Variants in GRID2 observed in about 807,000 individuals in gnomAD.
GRID2 encodes glutamate ionotropic receptor delta type subunit 2.
A neutral mutation model predicts 114.8 loss-of-function variants in GRID2; 33 were observed. That is an observed-to-expected ratio of 0.29 (90% confidence interval 0.22 to 0.38). The LOEUF (loss-of-function observed/expected upper bound fraction) is 0.38. GRID2 is among the 10% of genes least tolerant of loss of function. The pLI, the probability that GRID2 is intolerant of heterozygous loss-of-function variation, is 1.00. For missense variants in GRID2, 1,184 were observed against 1,257.7 expected, an observed-to-expected ratio of 0.94 and a Z score of 0.89; for synonymous variants, 505 against 449.9, an observed-to-expected ratio of 1.12 and a Z score of -1.55.
At chr4:92,555,026 G>A (rs1052898684) in intron 1 of GRID2, among the ~76,000 whole-genome samples, 1 of 152,162 alleles carries the variant, frequency 6.6e-6, no homozygotes, top group South Asian at 2.1e-4. Flanking sequence ...TGATTAAAAT[G>A]CAGGGAATAT....
At chr4:93,180,625 C>A (rs1451561778) in intron 4 of GRID2, among the ~76,000 whole-genome samples, 3 of 152,142 alleles carry the variant, frequency 2.0e-5, no homozygotes, top group South Asian at 2.1e-4. Flanking sequence ...ATCCTCTCAA[C>A]CTTGCTGCTG....
intron 13 of GRID2, among the ~76,000 whole-genome samples, chr4:93,586,598 G>T (rs1737560692): frequency 6.6e-6 from 1 of 152,108 alleles, no homozygotes; most frequent in Non-Finnish European, 1.5e-5. Context: ...TGGTAAGATA[G>T]ATATTACCCT....
rs141839775 is a variant in GRID2 at position 92,339,937 on chromosome 4, C to T, written c.88+35193C>T. On this transcript the variant is annotated intron_variant, in intron 1 of 15. Transcript: ENST00000282020. ...TCACAAAGCTCGTTTTTATTAGGCT[C>T]ATGTTGAAAACACATAACTGAGCTT... Among the ~76,000 whole-genome samples the T allele has an allele frequency of 3.1e-4, 47 of 152,202 alleles. No homozygotes were observed. In the East Asian group the frequency reaches 8.5e-3, roughly 28 times the overall value.
chr4:93,729,330 G>T (rs1730263445), intron 14 of GRID2, among the ~76,000 whole-genome samples: 1 of 152,170 alleles, frequency 6.6e-6, no homozygotes, highest in African/African-American at 2.4e-5. Context: ...TCCAGGATGA[G>T]ACAAGACTGA....
At chr4:92,542,465 A>C (rs1726014852) in intron 1 of GRID2, among the ~76,000 whole-genome samples, 1 of 152,196 alleles carries the variant, frequency 6.6e-6, no homozygotes. Context: ...TCATTTATGA[A>C]ATAATGGCAT....
In GRID2 at chr4:92,753,416, G is replaced by A. The variant is rs528254419; in HGVS notation, c.244+163130G>A. ...AGTGTAATAGAAAATAGCTGGCTAG[G>A]CAAAAACCAGGTTGTCTGAAACCAG... On this transcript the variant is annotated intron_variant, in intron 2 of 15. Coordinates refer to ENST00000282020, the MANE Select transcript of GRID2 (RefSeq NM_001510.4). 3.9e-5 allele frequency among the ~76,000 whole-genome samples: 6 copies of A among 152,226 alleles called. No individual in the cohort carries two copies. The South Asian group carries it at 1.2e-3, about 32-fold the overall frequency.
chr4:93,048,644 T>C (rs774205405), intron 2 of GRID2, among the ~76,000 whole-genome samples: 1 of 152,072 alleles, frequency 6.6e-6, no homozygotes, highest in Non-Finnish European at 1.5e-5. Flanking sequence ...TGTCCACTTA[T>C]TATAAAATTT....
intron 2 of GRID2, among the ~76,000 whole-genome samples, chr4:92,676,231 A>G (rs1733361397): frequency 1.8e-5 from 1 of 54,336 alleles, no homozygotes; most frequent in Non-Finnish European, 3.1e-5. Flanking sequence ...CCCAGGCTGG[A>G]GTGCAGTGGC....
chr4:93,796,498 C>G (rs936617307), intron 1 of GRID2, among the ~76,000 whole-genome samples: 1 of 152,006 alleles, frequency 6.6e-6, no homozygotes. Context: ...TCTGAGATTA[C>G]AGGGCACAGA....
intron 8 of GRID2, among the ~76,000 whole-genome samples, chr4:93,292,258 G>A (rs1753833414): frequency 6.6e-6 from 1 of 152,110 alleles, no homozygotes; most frequent in Non-Finnish European, 1.5e-5. Flanking sequence ...AGGGGCTGGG[G>A]TACTGTCTTC....
At chr4:93,650,049 C>T (rs1722451039) in intron 14 of GRID2, among the ~76,000 whole-genome samples, 1 of 152,082 alleles carries the variant, frequency 6.6e-6, no homozygotes, top group Non-Finnish European at 1.5e-5. Context: ...CTAGGGTACT[C>T]TTGGTGCCTG....
At chr4:93,311,996 AG>A (rs1756069901) in intron 8 of GRID2, among the ~76,000 whole-genome samples, 1 of 152,188 alleles carries the variant, frequency 6.6e-6, no homozygotes, top group Admixed American at 6.5e-5. Flanking sequence ...AAATGTGAGA[AG>A]TAAAATTTTT....
At chr4:93,525,583 T>C (rs1442321866) in intron 13 of GRID2, among the ~76,000 whole-genome samples, 1 of 152,236 alleles carries the variant, frequency 6.6e-6, no homozygotes, top group African/African-American at 2.4e-5. Context: ...GACTTAGTTT[T>C]CTTCCATATT....
chr4:93,536,214 CAAATGAAACTACG>C (rs1184109236), intron 13 of GRID2, among the ~76,000 whole-genome samples: 1 of 151,808 alleles, frequency 6.6e-6, no homozygotes, highest in Non-Finnish European at 1.5e-5. Context: ...TCCTAAAATG[CAAATGAAACTACG>C]AAAGACTACA....
intron 12 of GRID2, among the ~76,000 whole-genome samples, chr4:93,494,363 A>G (rs3857066): frequency 0.46 from 69,954 of 151,286 alleles, 16,215 homozygotes; most frequent in Middle Eastern, 0.59. Context: ...ATGTCAGTGA[A>G]GGGGAGAGAG....
At chr4:92,420,916 C>T (rs879803810) in intron 1 of GRID2, among the ~76,000 whole-genome samples, 5 of 152,062 alleles carry the variant, frequency 3.3e-5, no homozygotes, top group Non-Finnish European at 7.4e-5. Context: ...AACTCCTAGC[C>T]TCAAGTGATC....
At chr4:93,554,597 C>G (rs1024971381) in intron 13 of GRID2, among the ~76,000 whole-genome samples, 1 of 152,090 alleles carries the variant, frequency 6.6e-6, no homozygotes, top group African/African-American at 2.4e-5. Flanking sequence ...CAAACAGACA[C>G]ACATACATAT....
At chr4:93,506,263 C>A (rs2149480095) in intron 12 of GRID2, among the ~76,000 whole-genome samples, 1 of 152,182 alleles carries the variant, frequency 6.6e-6, no homozygotes, top group East Asian at 1.9e-4. Context: ...GGACAGAGTG[C>A]AGAAAATATT....
At chr4:93,120,987 A>T (rs1733733263) in intron 4 of GRID2, among the ~76,000 whole-genome samples, 1 of 152,112 alleles carries the variant, frequency 6.6e-6, no homozygotes, top group South Asian at 2.1e-4. Flanking sequence ...AAATAAATTT[A>T]AAAACCTAGA....
Sources: allele counts gnomAD v4.1 joint callset (sites outside exome capture counted in the v4.1 genomes callset), GRCh38; gene constraint gnomAD v4.1.1; transcripts MANE v1.5; gene names NCBI Gene and HGNC (gene_info 2026-07-23, HGNC 2026-07-21).